DMD: variants seen among roughly 807,000 people sequenced by gnomAD.
The protein encoded by DMD is mutant dystrophin.
A neutral mutation model predicts 330.1 loss-of-function variants in DMD; 63 were observed. That is an observed-to-expected ratio of 0.19 (90% CI 0.16 to 0.24). The LOEUF is 0.24. Ranked by LOEUF, DMD falls within the 10% of genes least tolerant of loss-of-function variation. DMD has a pLI of 1.00. For synonymous variants in DMD, 1,223 were observed against 959.8 expected, an observed-to-expected ratio of 1.27 and a Z score of -5.07; for missense variants, 3,344 against 2,684.1, an observed-to-expected ratio of 1.25 and a Z score of -5.43.
intron 2 of DMD, among the ~76,000 whole-genome samples, chrX:32,854,617 T>C (rs1603449138): frequency 9.7e-6 from 1 of 102,672 alleles, no homozygotes; most frequent in Non-Finnish European, 2.0e-5. Flanking sequence ...AGAACTAGAA[T>C]AGCAAACCAA....
intron 2 of DMD, among the ~76,000 whole-genome samples, chrX:32,984,010 C>T (rs1367805595): frequency 9.0e-6 from 1 of 111,631 alleles, no homozygotes; most frequent in African/African-American, 3.3e-5. Context: ...CTGTTTAAAG[C>T]TATGTCCTTT....
chrX:33,162,073 G>A (rs2048798135), intron 1 of DMD, among the ~76,000 whole-genome samples: 1 of 111,575 alleles, frequency 9.0e-6, no homozygotes, highest in Admixed American at 9.6e-5. Flanking sequence ...CACTGTTTTA[G>A]AATCTGAGGA....
rs143327225 is a variant in DMD at position 32,289,344 on chromosome X, T to C, written c.6118-1643A>G. ...AGTTACAGAAGATGTATTACCCTTCTACTACTTAATCCTAAGGGTAACTCT... is the reference window on the plus strand; with the variant it reads ...AGTTACAGAAGATGTATTACCCTTCCACTACTTAATCCTAAGGGTAACTCT... On this transcript the variant is annotated intron_variant, in intron 42 of 78. Transcript: ENST00000357033. 7.0e-3 allele frequency among the ~76,000 whole-genome samples: 773 copies of C among 110,632 alleles called. 2 individuals are homozygous for C. Among genetic ancestry groups the C allele is most frequent in the Middle Eastern group, 0.014 (3 of 217 alleles).
At chrX:33,320,060 C>A (rs1007598976) in intron 1 of DMD, among the ~76,000 whole-genome samples, 6 of 111,469 alleles carry the variant, frequency 5.4e-5, no homozygotes, top group African/African-American at 1.6e-4. Flanking sequence ...TCTTTAGCAA[C>A]TCTCACAATA....
intron 41 of DMD, among the ~76,000 whole-genome samples, chrX:32,330,984 G>C (rs997803393): frequency 4.5e-5 from 5 of 111,319 alleles, no homozygotes; most frequent in African/African-American, 1.3e-4. Context: ...ACAAAACTCT[G>C]TGTTAATTCA....
Position 31,904,923 on chromosome X carries a change from T to A in DMD, c.6912+24673A>T, listed in dbSNP as rs1040066653. 4.5e-5 allele frequency among the ~76,000 whole-genome samples: 5 copies of A among 112,155 alleles called. No homozygotes were observed. In the East Asian group the frequency reaches 1.4e-3, roughly 31 times the overall value. On this transcript the variant is annotated intron_variant, in intron 47 of 78. Transcript: ENST00000357033. The stretch of plus-strand genomic sequence containing the variant: ...CTAATACATAATATTATAATCTTTT[T>A]AAGAAACAAATATAGTAACATAAAA...
At chrX:32,523,576 A>G (rs60083243) in intron 17 of DMD, among the ~76,000 whole-genome samples, 3,187 of 112,101 alleles carry the variant, frequency 0.028, 104 homozygotes, top group African/African-American at 0.094. Context: ...TTACTATCAG[A>G]TCATTCCCTT....
intron 16 of DMD, among the ~76,000 whole-genome samples, chrX:32,564,873 T>C (rs1453455075): frequency 8.9e-6 from 1 of 111,784 alleles, no homozygotes; most frequent in Non-Finnish European, 1.9e-5. Context: ...CTAAAATCTA[T>C]TGAATATGGA....
chrX:33,271,824 T>C (rs1603427199), intron 1 of DMD, among the ~76,000 whole-genome samples: 1 of 106,371 alleles, frequency 9.4e-6, no homozygotes, highest in African/African-American at 3.4e-5. Flanking sequence ...GACCATTCAA[T>C]GATTTAAGTT....
chrX:31,237,948 G>A (rs2047893697), intron 63 of DMD, among the ~76,000 whole-genome samples: 1 of 111,410 alleles, frequency 9.0e-6, no homozygotes, highest in African/African-American at 3.3e-5. Context: ...TCGAACTCCC[G>A]ACCTCAAGTG....
intron 63 of DMD, among the ~76,000 whole-genome samples, chrX:31,238,029 C>G (rs1017778729): frequency 8.9e-6 from 1 of 112,105 alleles, no homozygotes; most frequent in African/African-American, 3.2e-5. Flanking sequence ...CTTGAAAAGA[C>G]TCTTCTTTAT....
At chrX:31,816,823 A>ACAC (rs1248110550) in intron 50 of DMD, among the ~76,000 whole-genome samples, 7 of 43,561 alleles carry the variant, frequency 1.6e-4, no homozygotes, top group Non-Finnish European at 2.9e-4. Context: ...CACACACACA[A>ACAC]AGAAAAAAGA....
intron 11 of DMD, among the ~76,000 whole-genome samples, chrX:32,638,486 G>C (rs1187407058): frequency 3.6e-5 from 4 of 111,955 alleles, no homozygotes; most frequent in African/African-American, 6.5e-5. Context: ...GCACAATTCT[G>C]ATTCTGTATA....
chrX:31,404,872 T>G (rs2061342180), intron 60 of DMD, among the ~76,000 whole-genome samples: 1 of 112,353 alleles, frequency 8.9e-6, no homozygotes, highest in Non-Finnish European at 1.9e-5. Flanking sequence ...TTTATGCAAT[T>G]GATGCATGGA....
At chrX:31,280,494 A>G (rs959049548) in intron 62 of DMD, among the ~76,000 whole-genome samples, 15 of 111,834 alleles carry the variant, frequency 1.3e-4, no homozygotes, top group Non-Finnish European at 2.3e-4. Flanking sequence ...TTGGGGGAGT[A>G]AGAACGTTCT....
chrX:31,904,942 CAT>C (rs2094461689), intron 47 of DMD, among the ~76,000 whole-genome samples: 1 of 111,551 alleles, frequency 9.0e-6, no homozygotes, highest in East Asian at 2.8e-4. Context: ...AATATAGTAA[CAT>C]AAAAATTAAA....
chrX:32,421,463 G>A (rs1252570945), intron 29 of DMD, among the ~76,000 whole-genome samples: 1 of 111,431 alleles, frequency 9.0e-6, no homozygotes, highest in Admixed American at 9.6e-5. Flanking sequence ...TTCTGCTTTC[G>A]AAACATTCTG....
chrX:31,509,275 A>G (rs1024266964), intron 55 of DMD, among the ~76,000 whole-genome samples: 1 of 111,730 alleles, frequency 9.0e-6, no homozygotes, highest in Admixed American at 9.5e-5. Context: ...GCCTACGTGG[A>G]ATAACATGCC....
intron 1 of DMD, among the ~76,000 whole-genome samples, chrX:33,329,840 C>T (rs1603430880): frequency 9.0e-6 from 1 of 111,236 alleles, no homozygotes; most frequent in African/African-American, 3.3e-5. Flanking sequence ...GGGGTGTGCC[C>T]AATCTGTGAA....
Sources: gnomAD v4.1 joint callset for allele counts (sites outside exome capture counted in the v4.1 genomes callset) on GRCh38, gnomAD v4.1.1 for gene constraint, MANE v1.5 for transcripts, NCBI Gene and HGNC (gene_info 2026-07-23, HGNC 2026-07-21) for gene names.